The following RPS6KC1 variants were observed in gnomAD, a reference collection of about 807,000 sequenced individuals.
RPS6KC1 encodes inactive ribosomal protein S6 kinase delta-1.
Under a neutral mutation model 103.8 loss-of-function variants are expected in RPS6KC1, and 54 were observed. The observed-to-expected ratio is 0.52, with a 90% confidence interval of 0.42 to 0.65. RPS6KC1 has a LOEUF of 0.65. Ranked by LOEUF, RPS6KC1 falls within the 30% of genes least tolerant of loss-of-function variation. The pLI is 0.00. For missense variants in RPS6KC1, 1,151 were observed against 1,253.8 expected, an observed-to-expected ratio of 0.92 and a Z score of 1.24; for synonymous variants, 439 against 438.7, an observed-to-expected ratio of 1.00 and a Z score of -0.01.
At chr1:213,728,820 G>A in the RPS6KC1 span, among the ~76,000 whole-genome samples, 1 of 151,946 alleles carries the variant, frequency 6.6e-6, no homozygotes, top group Admixed American at 6.6e-5. Flanking sequence ...CAGCTCCTCC[G>A]CTGTGCCTCG....
the RPS6KC1 span, among the ~76,000 whole-genome samples, chr1:213,531,588 C>T: frequency 6.6e-6 from 1 of 152,186 alleles, no homozygotes; most frequent in Non-Finnish European, 1.5e-5. Context: ...GGGAGCTAAT[C>T]TCTTGTCCTT....
At chr1:213,665,007 T>A in the RPS6KC1 span, among the ~76,000 whole-genome samples, 1 of 152,234 alleles carries the variant, frequency 6.6e-6, no homozygotes, top group African/African-American at 2.4e-5. Context: ...TCTGAATTAA[T>A]GAGGTTTTGG....
chr1:213,114,520 C>T (rs2083368501), intron 4 of RPS6KC1, among the ~76,000 whole-genome samples: 1 of 151,846 alleles, frequency 6.6e-6, no homozygotes, highest in Admixed American at 6.6e-5. Flanking sequence ...AATTTGACTT[C>T]CTCTTTTCCT....
the RPS6KC1 span, among the ~76,000 whole-genome samples, chr1:213,513,682 A>T: frequency 6.6e-6 from 1 of 152,246 alleles, no homozygotes; most frequent in Non-Finnish European, 1.5e-5. Context: ...AATGCCTGCC[A>T]TGCACAGCAT....
the RPS6KC1 span, among the ~76,000 whole-genome samples, chr1:213,596,536 A>G: frequency 6.6e-6 from 1 of 152,056 alleles, no homozygotes; most frequent in Admixed American, 6.5e-5. Flanking sequence ...CACTATCAAC[A>G]TGTGTCCACT....
At chr1:213,621,544 C>T in the RPS6KC1 span, among the ~76,000 whole-genome samples, 2 of 152,088 alleles carry the variant, frequency 1.3e-5, no homozygotes, top group African/African-American at 4.8e-5. Flanking sequence ...AAGGACATTT[C>T]TTCAAATATT....
At chr1:213,695,222 A>G in the RPS6KC1 span, among the ~76,000 whole-genome samples, 1 of 152,224 alleles carries the variant, frequency 6.6e-6, no homozygotes, top group African/African-American at 2.4e-5. Flanking sequence ...TATTACAGTG[A>G]AAAAGGTCAG....
At chr1:213,059,091 T>C (rs1257446348) in intron 1 of RPS6KC1, among the ~76,000 whole-genome samples, 1 of 152,242 alleles carries the variant, frequency 6.6e-6, no homozygotes, top group Non-Finnish European at 1.5e-5. Flanking sequence ...CATTTTTGTG[T>C]TGTCTTTATA....
At chr1:213,738,601 T>C in the RPS6KC1 span, among the ~76,000 whole-genome samples, 7 of 151,926 alleles carry the variant, frequency 4.6e-5, no homozygotes, top group African/African-American at 1.7e-4. Context: ...TATAAATATA[T>C]TGAGAAAAAT....
chr1:213,576,422 G>A, the RPS6KC1 span, among the ~76,000 whole-genome samples: 1 of 148,684 alleles, frequency 6.7e-6, no homozygotes, highest in Non-Finnish European at 1.5e-5. Flanking sequence ...CCTGACTTGA[G>A]CAAGTCTATT....
the RPS6KC1 span, among the ~76,000 whole-genome samples, chr1:213,757,140 T>C: frequency 6.6e-6 from 1 of 152,244 alleles, no homozygotes; most frequent in East Asian, 1.9e-4. Flanking sequence ...AATTAATTAC[T>C]CCACAGCAGC....
chr1:213,105,512 A>G (rs2082405931), intron 4 of RPS6KC1, among the ~76,000 whole-genome samples: 1 of 151,984 alleles, frequency 6.6e-6, no homozygotes, highest in African/African-American at 2.4e-5. Flanking sequence ...TTATTTATTT[A>G]TTTATTTTTT....
the RPS6KC1 span, among the ~76,000 whole-genome samples, chr1:213,703,830 T>G: frequency 2.0e-5 from 3 of 152,164 alleles, no homozygotes; most frequent in African/African-American, 7.2e-5. Flanking sequence ...CTCCTTGGTG[T>G]TCATAACCTT....
chr1:213,205,547 G>GATATATATATAT lies in RPS6KC1; in HGVS notation c.1045-24941_1045-24930dup, dbSNP rs764745657. Among the ~76,000 whole-genome samples, 11 of 102,468 alleles carry GATATATATATAT rather than the reference G, an allele frequency of 1.1e-4. 1 individual carries two copies. Among genetic ancestry groups the GATATATATATAT allele is most frequent in the African/African-American group, 4.0e-4 (11 of 27,340 alleles). 67.2% of individuals were successfully genotyped at this position (102,468 alleles called of 152,430 possible). ...AACAACAAACTCATTTATATATATA[G>GATATATATATAT]ATATATATATATATATATATTTCAA... On this transcript the variant is annotated intron_variant, in intron 8 of 14. Transcript: ENST00000366960.
intron 6 of RPS6KC1, among the ~76,000 whole-genome samples, chr1:213,151,173 A>AC (rs1162227839): frequency 8.7e-5 from 9 of 103,406 alleles, no homozygotes; most frequent in Non-Finnish European, 1.2e-4. Context: ...CGGGGGGCTG[A>AC]CCCCCCCACC....
At chr1:213,548,445 G>A in the RPS6KC1 span, among the ~76,000 whole-genome samples, 3 of 152,228 alleles carry the variant, frequency 2.0e-5, no homozygotes, top group South Asian at 4.1e-4. Context: ...GGCGGATCAC[G>A]AGGTCAAGAG....
the RPS6KC1 span, among the ~76,000 whole-genome samples, chr1:213,355,859 T>C: frequency 6.6e-6 from 1 of 152,230 alleles, no homozygotes; most frequent in Admixed American, 6.5e-5. Context: ...GCTGTCTGGG[T>C]CTATTCATGA....
intron 10 of RPS6KC1, among the ~76,000 whole-genome samples, chr1:213,238,530 T>G (rs1037917222): frequency 2.0e-5 from 3 of 152,132 alleles, no homozygotes; most frequent in African/African-American, 7.2e-5. Context: ...GAAGATTAAT[T>G]AGGCAGCAAT....
intron 4 of RPS6KC1, among the ~76,000 whole-genome samples, chr1:213,111,561 T>A (rs1345759340): frequency 6.6e-6 from 1 of 152,188 alleles, no homozygotes; most frequent in Non-Finnish European, 1.5e-5. Flanking sequence ...GCTAAAACAT[T>A]TTGCATTTTA....
Sources: gnomAD v4.1 joint callset for allele counts (sites outside exome capture counted in the v4.1 genomes callset) on GRCh38, gnomAD v4.1.1 for gene constraint, MANE v1.5 for transcripts, NCBI Gene and HGNC (gene_info 2026-07-23, HGNC 2026-07-21) for gene names.